PIK3CB: variants seen among roughly 807,000 people sequenced by gnomAD.
PIK3CB encodes the protein phosphatidylinositol 4,5-bisphosphate 3-kinase catalytic subunit beta isoform.
PIK3CB carries 39 observed loss-of-function variants against 136.8 expected under a neutral mutation model. That is an observed-to-expected ratio of 0.29 (90% CI 0.22 to 0.37). PIK3CB has a LOEUF of 0.37. PIK3CB is among the 10% of genes least tolerant of loss of function. The pLI, the probability that PIK3CB is intolerant of heterozygous loss-of-function variation, is 1.00. For missense variants in PIK3CB, 868 were observed against 1,275.4 expected (o/e 0.68, Z 4.87); for synonymous variants, 428 against 436.6 (o/e 0.98, Z 0.25).
intron 2 of PIK3CB, among the ~76,000 whole-genome samples, chr3:138,763,581 C>T (rs1421262079): frequency 6.6e-6 from 1 of 152,076 alleles, no homozygotes; most frequent in Non-Finnish European, 1.5e-5. Flanking sequence ...CCAAATCACC[C>T]AATTAATACA....
intron 2 of PIK3CB, among the ~76,000 whole-genome samples, chr3:138,781,754 C>A (rs371413037): frequency 6.6e-6 from 1 of 152,104 alleles, no homozygotes; most frequent in East Asian, 1.9e-4. Flanking sequence ...CGTGCCCGGC[C>A]CAAAAAATTT....
intron 2 of PIK3CB, among the ~76,000 whole-genome samples, chr3:138,767,867 G>C (rs1474349941): frequency 6.6e-6 from 1 of 152,194 alleles, no homozygotes; most frequent in Admixed American, 6.5e-5. Flanking sequence ...GTCCTGGCTC[G>C]GGGAGTTCCC....
At chr3:138,727,776 C>T (rs1464328090) in intron 8 of PIK3CB, among the ~76,000 whole-genome samples, 2 of 152,158 alleles carry the variant, frequency 1.3e-5, no homozygotes, top group Non-Finnish European at 2.9e-5. Flanking sequence ...ACAAAAATTA[C>T]CAAAATTGAC....
intron 14 of PIK3CB, among the ~76,000 whole-genome samples, chr3:138,693,871 A>AAGT (rs1459256785): frequency 2.0e-5 from 3 of 146,910 alleles, no homozygotes; most frequent in Non-Finnish European, 4.5e-5. Context: ...GAAGGAAGAG[A>AAGT]AGTAATCAAG....
chr3:138,782,824 C>T (rs2045936279), intron 2 of PIK3CB, among the ~76,000 whole-genome samples: 1 of 152,168 alleles, frequency 6.6e-6, no homozygotes, highest in African/African-American at 2.4e-5. Context: ...CTTAACTGTT[C>T]CACGAGTGAG....
In PIK3CB at chr3:138,685,054, C is replaced by T. The variant is rs115004779; in HGVS notation, c.2137-251G>A. 2.2e-3 allele frequency: 812 copies of T among 366,570 alleles called. 6 individuals carry two copies. The highest frequency in any genetic ancestry group is 0.016 in the African/African-American group (772 of 46,976). The allele number at this position is 366,570 out of a possible 1,614,324, so 22.7% of individuals were successfully genotyped here. ...TTTCTTAAACAAAATCTTACAAATTCGAGAAAAGCAGACTTAGATTATGGG... is the reference window on the plus strand; with the variant it reads ...TTTCTTAAACAAAATCTTACAAATTTGAGAAAAGCAGACTTAGATTATGGG... On this transcript the variant is annotated intron_variant, in intron 16 of 23. Coordinates refer to ENST00000674063, the MANE Select transcript of PIK3CB (RefSeq NM_006219.3).
intron 2 of PIK3CB, among the ~76,000 whole-genome samples, chr3:138,779,388 C>CT (rs753018315): frequency 0.049 from 5,487 of 111,986 alleles, 523 homozygotes; most frequent in African/African-American, 0.16. Flanking sequence ...GCCCGGCCTT[C>CT]TTTTTTTTTT....
At chr3:138,801,861 CAA>C (rs35232938) in intron 1 of PIK3CB, among the ~76,000 whole-genome samples, 3 of 57,382 alleles carry the variant, frequency 5.2e-5, no homozygotes, top group Admixed American at 2.4e-4. Context: ...GACTCCATCT[CAA>C]AAAAAAAAAA....
intron 22 of PIK3CB, 126 bp downstream of exon 22, chr3:138,657,564 A>C: frequency 2.6e-6 from 2 of 780,204 alleles, no homozygotes; most frequent in Non-Finnish European, 4.0e-6. Context: ...ATTCCCCCAA[A>C]AGCTTCCTAT....
At chr3:138,696,181 CTT>C (rs200970812) in intron 13 of PIK3CB, among the ~76,000 whole-genome samples, 14 of 139,252 alleles carry the variant, frequency 1.0e-4, no homozygotes, top group Non-Finnish European at 1.1e-4. Context: ...AAATTTTAAC[CTT>C]TTTTTTTTTT....
At chr3:138,792,392 T>G (rs948839264) in intron 2 of PIK3CB, among the ~76,000 whole-genome samples, 13 of 152,282 alleles carry the variant, frequency 8.5e-5, no homozygotes, top group Admixed American at 8.5e-4. Context: ...TTTTGTTTTT[T>G]GAGACACAGT....
chr3:138,696,550 CTCT>C, intron 13 of PIK3CB, among the ~76,000 whole-genome samples: 1 of 152,208 alleles, frequency 6.6e-6, no homozygotes, highest in East Asian at 1.9e-4. Flanking sequence ...ATAAGGCTAG[CTCT>C]TTTTTTATGT....
Position 138,809,935 on chromosome 3 carries a change from A to C in PIK3CB, c.-121-13368T>G, listed in dbSNP as rs537167313. ...ACCAGTTCCCTTGGAGAAATGACTG[A>C]TCCTAGGATGAGGTAAGAAATACAC... On this transcript the variant is annotated intron_variant, in intron 1 of 23. Coordinates refer to ENST00000674063, the MANE Select transcript of PIK3CB (RefSeq NM_006219.3). Among the ~76,000 whole-genome samples, 279 of 152,264 alleles carry C rather than the reference A, an allele frequency of 1.8e-3. 3 individuals carry two copies. Among genetic ancestry groups the C allele is most frequent in the Non-Finnish European group, 2.7e-3 (184 of 68,022 alleles).
At chr3:138,798,987 G>C (rs1473788778) in intron 1 of PIK3CB, among the ~76,000 whole-genome samples, 1 of 151,766 alleles carries the variant, frequency 6.6e-6, no homozygotes, top group Non-Finnish European at 1.5e-5. Flanking sequence ...CAGTTACTTG[G>C]GAGGCCAGAG....
At chr3:138,799,777 T>C (rs1576420371) in intron 1 of PIK3CB, among the ~76,000 whole-genome samples, 1 of 151,960 alleles carries the variant, frequency 6.6e-6, no homozygotes, top group East Asian at 1.9e-4. Context: ...TCCTAGGCTC[T>C]AGGGATCCTC....
At chr3:138,781,869 C>A (rs993334376) in intron 2 of PIK3CB, among the ~76,000 whole-genome samples, 3 of 152,104 alleles carry the variant, frequency 2.0e-5, no homozygotes, top group Non-Finnish European at 4.4e-5. Flanking sequence ...CTACAGAAGG[C>A]CACGTTAATG....
chr3:138,720,034 G>A (rs1031027161), intron 8 of PIK3CB, among the ~76,000 whole-genome samples: 2 of 152,234 alleles, frequency 1.3e-5, no homozygotes, highest in South Asian at 2.1e-4. Context: ...TCAAGTTTCT[G>A]ACAAGAAAGA....
intron 8 of PIK3CB, among the ~76,000 whole-genome samples, chr3:138,723,376 T>C (rs959244291): frequency 6.6e-6 from 1 of 151,886 alleles, no homozygotes; most frequent in Non-Finnish European, 1.5e-5. Context: ...CATGGCGAAC[T>C]CTCCTCTCTA....
At chr3:138,783,239 G>A (rs2045940054) in intron 2 of PIK3CB, among the ~76,000 whole-genome samples, 1 of 151,692 alleles carries the variant, frequency 6.6e-6, no homozygotes, top group Admixed American at 6.6e-5. Context: ...AAATGTAGAG[G>A]TTAAAACATG....
Sources: gnomAD v4.1 joint callset for allele counts (sites outside exome capture counted in the v4.1 genomes callset) on GRCh38, gnomAD v4.1.1 for gene constraint, MANE v1.5 for transcripts, NCBI Gene and HGNC (gene_info 2026-07-23, HGNC 2026-07-21) for gene names.